Variants in DIP2C observed in about 807,000 individuals in gnomAD.
DIP2C encodes DIP2 acetate--CoA ligase C (putative).
In DIP2C, 33 loss-of-function variants were observed where a neutral mutation model predicts 192.4. The ratio of observed to expected loss-of-function variants is 0.17; its 90% CI spans 0.13 to 0.23. The LOEUF is 0.23. Among genes scored for constraint, DIP2C ranks in the 10% least tolerant of loss-of-function variants. The pLI, the probability that DIP2C is intolerant of heterozygous loss-of-function variation, is 1.00. For missense variants in DIP2C, 1,537 were observed against 2,110.1 expected, an observed-to-expected ratio of 0.73 and a Z score of 5.32; for synonymous variants, 979 against 864.1, an observed-to-expected ratio of 1.13 and a Z score of -2.33.
At chr10:677,069 TGTC>T (rs1212267007) in intron 1 of DIP2C, among the ~76,000 whole-genome samples, 3 of 152,228 alleles carry the variant, frequency 2.0e-5, no homozygotes, top group Non-Finnish European at 4.4e-5. Context: ...TACTATAATG[TGTC>T]CATTAAAAAG....
At chr10:594,074 T>C (rs1217319924) in intron 1 of DIP2C, among the ~76,000 whole-genome samples, 1 of 152,168 alleles carries the variant, frequency 6.6e-6, no homozygotes, top group Non-Finnish European at 1.5e-5. Context: ...AGAGCAGCCG[T>C]GCACAGATCC....
chr10:449,477 TA>T (rs1298780391), intron 3 of DIP2C, among the ~76,000 whole-genome samples: 1 of 151,974 alleles, frequency 6.6e-6, no homozygotes, highest in Non-Finnish European at 1.5e-5. Flanking sequence ...TTCCTACTCT[TA>T]AATAATTTAT....
At chr10:377,307 G>A (rs1445336766) in intron 17 of DIP2C, among the ~76,000 whole-genome samples, 3 of 152,216 alleles carry the variant, frequency 2.0e-5, no homozygotes, top group Admixed American at 6.5e-5. Context: ...GGGGGACCCC[G>A]TGGGGAGGCC....
At chr10:422,517 C>T (rs895233774) in intron 5 of DIP2C, among the ~76,000 whole-genome samples, 1 of 152,172 alleles carries the variant, frequency 6.6e-6, no homozygotes, top group African/African-American at 2.4e-5. Context: ...ACATTTAAAA[C>T]CCTGTCCTGT....
chr10:680,551 C>G (rs1588761242), intron 1 of DIP2C, among the ~76,000 whole-genome samples: 1 of 152,350 alleles, frequency 6.6e-6, no homozygotes, highest in East Asian at 1.9e-4. Context: ...AATCTCCCAG[C>G]AAAGCCCAGT....
chr10:355,397 T>C (rs1959034170), intron 24 of DIP2C, among the ~76,000 whole-genome samples: 1 of 152,198 alleles, frequency 6.6e-6, no homozygotes, highest in Non-Finnish European at 1.5e-5. Context: ...GGGGAATAAT[T>C]TCGTGATGCT....
Position 283,265 on chromosome 10 carries a change from C to A in DIP2C, c.4294+7G>T, listed in dbSNP as rs201616323. On this transcript the variant is annotated splice_region_variant and intron_variant, in intron 35 of 36. Coordinates refer to ENST00000280886, the MANE Select transcript of DIP2C (RefSeq NM_014974.3). ...GTTGGGGGGGGGCCGCCAGCCTGGA[C>A]TCTCACCTCCATTTGCATCTGTGAG... 227 of 1,613,108 alleles carry A rather than the reference C, an allele frequency of 1.4e-4. 1 individual carries two copies. The African/African-American group carries it at 2.8e-3, about 20-fold the overall frequency.
intron 1 of DIP2C, among the ~76,000 whole-genome samples, chr10:566,730 A>G (rs1849487526): frequency 6.6e-6 from 1 of 152,232 alleles, no homozygotes; most frequent in African/African-American, 2.4e-5. Context: ...GAGGGTCCCA[A>G]GCAGGGTACA....
At chr10:627,813 G>A (rs943238527) in intron 1 of DIP2C, among the ~76,000 whole-genome samples, 3 of 152,206 alleles carry the variant, frequency 2.0e-5, no homozygotes, top group African/African-American at 4.8e-5. Context: ...AGGACTTCAC[G>A]AGAGGCACCA....
chr10:539,910 CA>C (rs1401452305), intron 1 of DIP2C, among the ~76,000 whole-genome samples: 1 of 152,200 alleles, frequency 6.6e-6, no homozygotes. Context: ...GTATAAAACA[CA>C]TTACAAACCC....
chr10:674,587 T>C (rs2119042283), intron 1 of DIP2C, among the ~76,000 whole-genome samples: 1 of 151,802 alleles, frequency 6.6e-6, no homozygotes, highest in African/African-American at 2.4e-5. Flanking sequence ...CTGGCCAACA[T>C]GGTAAAGCCC....
At chr10:284,517 C>T (rs1389802238) in intron 34 of DIP2C, among the ~76,000 whole-genome samples, 3 of 152,188 alleles carry the variant, frequency 2.0e-5, no homozygotes, top group South Asian at 2.1e-4. Flanking sequence ...AAATACTGCA[C>T]CACCTCACTC....
intron 1 of DIP2C, among the ~76,000 whole-genome samples, chr10:601,821 G>A (rs1055575710): frequency 1.3e-5 from 2 of 152,204 alleles, no homozygotes; most frequent in African/African-American, 2.4e-5. Flanking sequence ...GTGGCTGATC[G>A]GGGATCAGAG....
At chr10:579,070 T>C (rs868696064) in intron 1 of DIP2C, among the ~76,000 whole-genome samples, 1 of 152,040 alleles carries the variant, frequency 6.6e-6, no homozygotes, top group Admixed American at 6.5e-5. Context: ...AACATGTGTA[T>C]GTGCATAGAG....
At chr10:667,765 CAT>C (rs1857188745) in intron 1 of DIP2C, 1 of 152,148 alleles carries the variant, frequency 6.6e-6, no homozygotes, top group Non-Finnish European at 1.5e-5. Context: ...CAACTCATAA[CAT>C]GCACATACAA....
Position 417,862 on chromosome 10 carries a change from G to A in DIP2C, c.739+1203C>T, listed in dbSNP as rs868860489. On this transcript the variant is annotated intron_variant, in intron 6 of 36. Transcript: ENST00000280886. ...TGTCCACCTGCACCTGTCAGAGCTC[G>A]GACAGGCCTCCCTGTCCACCTGCAC... Among the ~76,000 whole-genome samples, 4 of 71,706 alleles carry A rather than the reference G, an allele frequency of 5.6e-5. 2 individuals are homozygous for A. Among genetic ancestry groups the A allele is most frequent in the African/African-American group, 2.7e-4 (4 of 14,822 alleles). 47.0% of individuals were successfully genotyped at this position (71,706 alleles called of 152,430 possible).
chr10:376,752 G>C (rs762370123), intron 17 of DIP2C, among the ~76,000 whole-genome samples: 11 of 152,106 alleles, frequency 7.2e-5, no homozygotes, highest in African/African-American at 2.7e-4. Flanking sequence ...GCAGCAGAAT[G>C]AACTAATAAA....
intron 1 of DIP2C, among the ~76,000 whole-genome samples, chr10:625,484 T>G (rs1564283192): frequency 6.6e-6 from 1 of 152,174 alleles, no homozygotes. Context: ...GGCCGGGCTC[T>G]GCCTTTCTGC....
chr10:461,784 T>TA (rs2133382327), intron 3 of DIP2C, among the ~76,000 whole-genome samples: 1 of 152,190 alleles, frequency 6.6e-6, no homozygotes, highest in African/African-American at 2.4e-5. Context: ...TAATTGGAAG[T>TA]AAAACACTCA....
Sources: allele counts gnomAD v4.1 joint callset (sites outside exome capture counted in the v4.1 genomes callset), GRCh38; gene constraint gnomAD v4.1.1; transcripts MANE v1.5; gene names NCBI Gene and HGNC (gene_info 2026-07-23, HGNC 2026-07-21).